TMEM178B: variants seen among roughly 807,000 people sequenced by gnomAD.
The protein encoded by TMEM178B is transmembrane protein 178B.
In TMEM178B, 5 loss-of-function variants were observed where a neutral mutation model predicts 31.0. The ratio of observed to expected loss-of-function variants is 0.16; its 90% CI spans 0.08 to 0.34. The LOEUF (loss-of-function observed/expected upper bound fraction) is 0.34, where lower values mean the gene tolerates loss of function less well. Ranked by LOEUF, TMEM178B falls within the 10% of genes least tolerant of loss-of-function variation. The pLI is 1.00. For synonymous variants in TMEM178B, 164 were observed against 164.0 expected (o/e 1.00, Z 0.00); for missense variants, 275 against 400.3 (o/e 0.69, Z 2.67).
intron 3 of TMEM178B, among the ~76,000 whole-genome samples, chr7:141,441,937 A>AGGCC (rs1801668362): frequency 1.3e-5 from 2 of 152,308 alleles, no homozygotes; most frequent in South Asian, 4.1e-4. Flanking sequence ...CTCAACCAGG[A>AGGCC]GGCCGGGGGT....
chr7:141,218,203 G>A (rs1042784403), intron 2 of TMEM178B, among the ~76,000 whole-genome samples: 3 of 152,024 alleles, frequency 2.0e-5, no homozygotes, highest in Non-Finnish European at 4.4e-5. Context: ...GGGGGTCCTC[G>A]CCTTCACCAG....
chr7:141,140,085 A>G (rs1220086050), intron 1 of TMEM178B, among the ~76,000 whole-genome samples: 1 of 152,084 alleles, frequency 6.6e-6, no homozygotes, highest in Non-Finnish European at 1.5e-5. Context: ...TCTCCTTACT[A>G]TAGCCTGTAG....
chr7:141,383,698 T>C (rs925632020), intron 2 of TMEM178B, among the ~76,000 whole-genome samples: 3 of 152,216 alleles, frequency 2.0e-5, no homozygotes, highest in African/African-American at 7.2e-5. Context: ...TGTATCTTTA[T>C]AGCAGCATGA....
intron 2 of TMEM178B, among the ~76,000 whole-genome samples, chr7:141,295,828 G>T (rs933417047): frequency 3.3e-5 from 5 of 152,174 alleles, no homozygotes; most frequent in Admixed American, 6.5e-5. Context: ...AAGCACAGAA[G>T]AGAGGTGAAC....
intron 2 of TMEM178B, among the ~76,000 whole-genome samples, chr7:141,292,579 T>G (rs1168562996): frequency 6.6e-6 from 1 of 151,358 alleles, no homozygotes; most frequent in Non-Finnish European, 1.5e-5. Flanking sequence ...TTCCAGCTTC[T>G]TCCCCATATT....
intron 2 of TMEM178B, among the ~76,000 whole-genome samples, chr7:141,334,195 A>G (rs1799344955): frequency 6.6e-6 from 1 of 152,230 alleles, no homozygotes. Flanking sequence ...GCACTTGCTC[A>G]GGATGGGCTT....
At chr7:141,131,021 G>A (rs1795586156) in intron 1 of TMEM178B, among the ~76,000 whole-genome samples, 5 of 152,174 alleles carry the variant, frequency 3.3e-5, no homozygotes, top group Admixed American at 3.3e-4. Context: ...CAGTTTTAGG[G>A]TTGAATTCCC....
intron 2 of TMEM178B, among the ~76,000 whole-genome samples, chr7:141,286,089 T>C (rs561282588): frequency 1.3e-5 from 2 of 151,606 alleles, no homozygotes; most frequent in Non-Finnish European, 2.9e-5. Flanking sequence ...CTTAAAAGTA[T>C]AATAATAATA....
intron 2 of TMEM178B, among the ~76,000 whole-genome samples, chr7:141,390,257 C>T (rs1277102669): frequency 6.6e-6 from 1 of 152,166 alleles, no homozygotes. Flanking sequence ...GGGGCCACAC[C>T]CTCTATGTGA....
chr7:141,262,338 C>G (rs988823454), intron 2 of TMEM178B, among the ~76,000 whole-genome samples: 1 of 151,946 alleles, frequency 6.6e-6, no homozygotes, highest in African/African-American at 2.4e-5. Flanking sequence ...GAAACTGACA[C>G]AGATATTTGG....
intron 2 of TMEM178B, among the ~76,000 whole-genome samples, chr7:141,398,597 C>T (rs1800698562): frequency 1.3e-5 from 2 of 152,194 alleles, no homozygotes; most frequent in South Asian, 4.1e-4. Context: ...GGTATTTTCA[C>T]TGGGACATCT....
rs1454609661 is a variant in TMEM178B at position 141,479,012 on chromosome 7, C to G, written c.*8226C>G. The G allele has an allele frequency of 6.6e-6, 1 of 152,304 alleles. No homozygotes were observed. Among genetic ancestry groups the G allele is most frequent in the Non-Finnish European group, 1.5e-5 (1 of 68,134 alleles). 9.4% of individuals were successfully genotyped at this position (152,304 alleles called of 1,614,324 possible). On this transcript the variant is annotated 3_prime_UTR_variant, in exon 4 of 4. Transcript: ENST00000565468. The stretch of plus-strand genomic sequence containing the variant: ...CACCTGCTTAGTAAGAGGAGATGAC[C>G]ACTCCTGTGGACTGCATGTCCCATC...
At chr7:141,390,658 T>A (rs1800518480) in intron 2 of TMEM178B, among the ~76,000 whole-genome samples, 1 of 152,212 alleles carries the variant, frequency 6.6e-6, no homozygotes, top group South Asian at 2.1e-4. Context: ...ACACGACATG[T>A]GATTAGACAT....
chr7:141,297,548 ACT>A (rs1011141694), intron 2 of TMEM178B, among the ~76,000 whole-genome samples: 28 of 151,608 alleles, frequency 1.8e-4, no homozygotes, highest in Non-Finnish European at 3.8e-4. Context: ...GATGTTCCCC[ACT>A]CTGTGTCCAA....
chr7:141,290,052 A>T (rs217015), intron 2 of TMEM178B, among the ~76,000 whole-genome samples: 14,926 of 152,276 alleles, frequency 0.098, 1,081 homozygotes, highest in African/African-American at 0.2. Flanking sequence ...TTCTGTCCTG[A>T]TAGCTCATCT....
chr7:141,270,805 G>A (rs921582458), intron 2 of TMEM178B, among the ~76,000 whole-genome samples: 1 of 152,170 alleles, frequency 6.6e-6, no homozygotes, highest in African/African-American at 2.4e-5. Flanking sequence ...AAAAGAAAAT[G>A]CCACTGCACT....
At chr7:141,172,808 C>T (rs1187155142) in intron 1 of TMEM178B, among the ~76,000 whole-genome samples, 9 of 152,198 alleles carry the variant, frequency 5.9e-5, no homozygotes, top group Non-Finnish European at 1.2e-4. Context: ...AAGCAAAAAT[C>T]GTCATTCTCC....
At chr7:141,494,803 G>A in the TMEM178B span, among the ~76,000 whole-genome samples, 1 of 152,168 alleles carries the variant, frequency 6.6e-6, no homozygotes, top group African/African-American at 2.4e-5. Flanking sequence ...ATGAGTATAT[G>A]TTTTTAAAGA....
At chr7:141,440,643 G>A (rs1181748) in intron 3 of TMEM178B, among the ~76,000 whole-genome samples, 36,831 of 151,902 alleles carry the variant, frequency 0.24, 5,322 homozygotes, top group East Asian at 0.59. Flanking sequence ...TAGTACTGAG[G>A]GTCCCAGGTA....
Sources: gnomAD v4.1 joint callset for allele counts (sites outside exome capture counted in the v4.1 genomes callset) on GRCh38, gnomAD v4.1.1 for gene constraint, MANE v1.5 for transcripts, NCBI Gene and HGNC (gene_info 2026-07-23, HGNC 2026-07-21) for gene names.